Variants in MYO16 observed in about 807,000 individuals in gnomAD.
MYO16 encodes myosin XVI, also known as unconventional myosin-XVI.
Under a neutral mutation model 205.3 loss-of-function variants are expected in MYO16, and 94 were observed. The ratio of observed to expected loss-of-function variants is 0.46; its 90% CI spans 0.39 to 0.54. MYO16 has a LOEUF of 0.54. Ranked by LOEUF, MYO16 falls within the 20% of genes least tolerant of loss-of-function variation. The pLI is 0.00. For synonymous variants in MYO16, 988 were observed against 954.0 expected (o/e 1.04, Z -0.66); for missense variants, 2,315 against 2,387.5 (o/e 0.97, Z 0.63).
At chr13:108,675,678 A>C (rs1172067210) in intron 2 of MYO16, among the ~76,000 whole-genome samples, 1 of 152,218 alleles carries the variant, frequency 6.6e-6, no homozygotes, top group Non-Finnish European at 1.5e-5. Context: ...TGCTCTCTTC[A>C]ACATTTTATG....
intron 20 of MYO16, among the ~76,000 whole-genome samples, chr13:108,968,751 C>G (rs766081426): frequency 1.3e-5 from 2 of 152,164 alleles, no homozygotes; most frequent in Non-Finnish European, 2.9e-5. Context: ...CTGCTGCGCC[C>G]CTGACTCAGA....
intron 8 of MYO16, among the ~76,000 whole-genome samples, chr13:108,821,348 G>C (rs1875961568): frequency 6.6e-6 from 1 of 152,040 alleles, no homozygotes; most frequent in Non-Finnish European, 1.5e-5. Context: ...CATCTTCTCT[G>C]TTAAACTGAA....
At chr13:108,580,419 C>A in the MYO16 span, among the ~76,000 whole-genome samples, 1 of 152,204 alleles carries the variant, frequency 6.6e-6, no homozygotes, top group African/African-American at 2.4e-5. Context: ...CTCCTACTAG[C>A]TGGACAGTTC....
chr13:108,522,972 C>G, the MYO16 span, among the ~76,000 whole-genome samples: 1 of 152,118 alleles, frequency 6.6e-6, no homozygotes, highest in East Asian at 1.9e-4. Context: ...GGGGCACACA[C>G]TTCAATCCAT....
At chr13:108,706,568 G>A (rs527271269) in intron 2 of MYO16, among the ~76,000 whole-genome samples, 5 of 152,244 alleles carry the variant, frequency 3.3e-5, no homozygotes, top group African/African-American at 1.2e-4. Flanking sequence ...TCCAGTACCA[G>A]TGCCAACTAG....
chr13:109,069,521 A>T (rs1395100691), intron 27 of MYO16, among the ~76,000 whole-genome samples: 1 of 152,062 alleles, frequency 6.6e-6, no homozygotes, highest in African/African-American at 2.4e-5. Flanking sequence ...TCTGGAGGCT[A>T]AAAGTCCAAG....
At chr13:108,842,221 A>G (rs1877279961) in intron 9 of MYO16, among the ~76,000 whole-genome samples, 1 of 152,186 alleles carries the variant, frequency 6.6e-6, no homozygotes, top group Admixed American at 6.6e-5. Flanking sequence ...AGTCAGTTAC[A>G]TCAGACTATA....
At chr13:109,182,622 T>C (rs563085600) in intron 34 of MYO16, among the ~76,000 whole-genome samples, 5 of 152,240 alleles carry the variant, frequency 3.3e-5, no homozygotes, top group Non-Finnish European at 7.3e-5. Flanking sequence ...TATACACATT[T>C]AATTTTATTG....
At chr13:109,011,503 T>TC (rs1440268931) in intron 22 of MYO16, among the ~76,000 whole-genome samples, 26 of 150,576 alleles carry the variant, frequency 1.7e-4, no homozygotes, top group Non-Finnish European at 5.9e-5. Context: ...CCTTTCTTTT[T>TC]TTTTTTTGTT....
chr13:108,621,391 T>C (rs1175207208), intron 1 of MYO16, among the ~76,000 whole-genome samples: 3 of 152,198 alleles, frequency 2.0e-5, no homozygotes, highest in Non-Finnish European at 4.4e-5. Context: ...CAGTCTGAAA[T>C]ATTAAATGGA....
At chr13:108,832,079 A>G (rs201915262) in intron 9 of MYO16, among the ~76,000 whole-genome samples, 3 of 151,526 alleles carry the variant, frequency 2.0e-5, no homozygotes, top group East Asian at 3.9e-4. Flanking sequence ...TAGGACTCCA[A>G]AGATTTAGAA....
chr13:108,625,681 C>T (rs1566511808), upstream of MYO16, among the ~76,000 whole-genome samples: 1 of 152,216 alleles, frequency 6.6e-6, no homozygotes, highest in Non-Finnish European at 1.5e-5. Context: ...AAGCCCCAAC[C>T]TATTCACAGG....
chr13:108,583,606 G>T, the MYO16 span, among the ~76,000 whole-genome samples: 2 of 152,114 alleles, frequency 1.3e-5, no homozygotes, highest in African/African-American at 4.8e-5. Context: ...ATGTATTATT[G>T]CATTTATATG....
intron 7 of MYO16, among the ~76,000 whole-genome samples, chr13:108,815,977 A>G (rs1197432569): frequency 6.6e-6 from 1 of 152,194 alleles, no homozygotes; most frequent in African/African-American, 2.4e-5. Context: ...TGGAACCTAA[A>G]ATATAGTGGC....
At chr13:108,926,881 CA>C (rs1008037763) in intron 16 of MYO16, among the ~76,000 whole-genome samples, 1 of 152,168 alleles carries the variant, frequency 6.6e-6, no homozygotes, top group Non-Finnish European at 1.5e-5. Flanking sequence ...AAACATACCA[CA>C]GAAATAATTT....
chr13:108,776,403 C>T (rs1469859541), intron 4 of MYO16, among the ~76,000 whole-genome samples: 1 of 152,176 alleles, frequency 6.6e-6, no homozygotes, highest in Admixed American at 6.5e-5. Flanking sequence ...ATTCCACAAG[C>T]TCTAGACCTT....
chr13:109,154,911 GAAAAAAAAAAAAAA>G (rs59465499), intron 32 of MYO16, among the ~76,000 whole-genome samples: 3 of 62,666 alleles, frequency 4.8e-5, no homozygotes, highest in African/African-American at 1.2e-4. Flanking sequence ...GGCTAATTAT[GAAAAAAAAAAAAAA>G]AAAAAAAAAA....
chr13:108,910,999 A>G (rs1488404517), intron 16 of MYO16, among the ~76,000 whole-genome samples: 1 of 150,638 alleles, frequency 6.6e-6, no homozygotes, highest in African/African-American at 2.4e-5. Context: ...CAATTTTAGG[A>G]GAACTTTTGT....
chr13:108,872,017 T>C (rs1340132338), intron 12 of MYO16, among the ~76,000 whole-genome samples: 1 of 152,244 alleles, frequency 6.6e-6, no homozygotes, highest in African/African-American at 2.4e-5. Context: ...ATTGCATTGG[T>C]GTCAGAAGAT....
Sources: gnomAD v4.1 joint callset for allele counts (sites outside exome capture counted in the v4.1 genomes callset) on GRCh38, gnomAD v4.1.1 for gene constraint, MANE v1.5 for transcripts, NCBI Gene and HGNC (gene_info 2026-07-23, HGNC 2026-07-21) for gene names.